MTCL1: variants seen among roughly 807,000 people sequenced by gnomAD.
MTCL1 encodes microtubule crosslinking factor 1, also known as microtubule cross-linking factor 1.
A neutral mutation model predicts 141.4 loss-of-function variants in MTCL1; 79 were observed. The ratio of observed to expected loss-of-function variants is 0.56; its 90% CI spans 0.47 to 0.67. MTCL1 has a LOEUF of 0.67. Among genes scored for constraint, MTCL1 ranks in the 30% least tolerant of loss-of-function variants. MTCL1 has a pLI of 0.00. For synonymous variants in MTCL1, 914 were observed against 875.8 expected (o/e 1.04, Z -0.77); for missense variants, 2,177 against 2,113.9 (o/e 1.03, Z -0.59).
upstream of MTCL1, chr18:8,705,596 G>GCCGCCGCCGCCGCCGCCGCCGCCA: frequency 8.3e-7 from 1 of 1,200,290 alleles, no homozygotes; most frequent in Middle Eastern, 3.3e-4. The surrounding 1 kb of genome is among the most constrained non-coding windows in gnomAD (Gnocchi z 5.2). Context: ...CGCCGCCGCC[G>GCCGCCGCCGCCGCCGCCGCCGCCA]CCGCCGCCGC....
intron 4 of MTCL1, among the ~76,000 whole-genome samples, chr18:8,757,034 C>A (rs2096405489): frequency 6.6e-6 from 1 of 152,140 alleles, no homozygotes; most frequent in Non-Finnish European, 1.5e-5. Flanking sequence ...AAGGTAGGGT[C>A]CCCAAAGACT....
At chr18:8,819,632 C>A (rs558979819) in intron 13 of MTCL1, among the ~76,000 whole-genome samples, 2 of 152,188 alleles carry the variant, frequency 1.3e-5, no homozygotes, top group South Asian at 4.2e-4. Flanking sequence ...AGATGGAGGT[C>A]TCACTCTCTT....
exon 17 of MTCL1, chr18:8,831,873 C>G: frequency 6.6e-7 from 1 of 1,508,554 alleles, no homozygotes; most frequent in African/African-American, 1.4e-5. Context: ...ATGAACAAAA[C>G]TCTGCCCAAC....
chr18:8,798,147 G>A (rs1232344511), exon 10 of MTCL1: 1 of 1,595,098 alleles, frequency 6.3e-7, no homozygotes, highest in Non-Finnish European at 8.5e-7. Flanking sequence ...GAGTCCAGGG[G>A]GGTCACCAGG....
At chr18:8,775,918 C>G (rs7233041) in intron 4 of MTCL1, among the ~76,000 whole-genome samples, 49 of 152,266 alleles carry the variant, frequency 3.2e-4, no homozygotes, top group African/African-American at 1.2e-3. Flanking sequence ...GGCTCAGGGG[C>G]AGCTAGAATT....
rs569893702 is a variant in MTCL1, at chr18:8,706,731, C to G, written c.1053+18C>G. ...ATCTCAAGGTGAGCCGCGCCTCGGC[C>G]GCAGGTGTCCCGGGGCGCCCCCGGA... On this transcript the variant is annotated intron_variant, in intron 1 of 13. Coordinates refer to the MTCL1 transcript ENST00000306329. 2.6e-6 allele frequency: 4 copies of G among 1,543,794 alleles called. No individual in the cohort carries two copies. Among genetic ancestry groups the G allele is most frequent in the East Asian group, 2.5e-5 (1 of 40,784 alleles).
At chr18:8,729,208 C>A (rs2096236832) in intron 4 of MTCL1, among the ~76,000 whole-genome samples, 1 of 133,238 alleles carries the variant, frequency 7.5e-6, no homozygotes, top group African/African-American at 2.7e-5. Context: ...AGGCTAGTGC[C>A]ACATGCCCAG....
chr18:8,744,023 C>G (rs371086218), intron 4 of MTCL1, among the ~76,000 whole-genome samples: 3 of 152,354 alleles, frequency 2.0e-5, no homozygotes, highest in African/African-American at 7.2e-5. Context: ...AAATCTTCAT[C>G]TAATCCTAGG....
At chr18:8,821,409 C>A in intron 13 of MTCL1, 58 bp from the exon 13 acceptor site, 1 of 1,116,704 alleles carries the variant, frequency 9.0e-7, no homozygotes, top group Non-Finnish European at 1.3e-6. Flanking sequence ...TAAGTACATT[C>A]AGGGCTTCTG....
exon 6 of MTCL1, chr18:8,784,523 C>T: frequency 4.4e-6 from 7 of 1,604,188 alleles, no homozygotes; most frequent in Non-Finnish European, 6.0e-6. Flanking sequence ...GGTGGAGCGC[C>T]TCATCACGGA....
Position 8,822,797 on chromosome 18 carries a change from C to T in MTCL1, c.3188+1299C>T, listed in dbSNP as rs571552966. 7.2e-5 allele frequency among the ~76,000 whole-genome samples: 11 copies of T among 152,212 alleles called. No individual in the cohort carries two copies. The highest frequency in any genetic ancestry group is 1.3e-4 in the Non-Finnish European group (9 of 68,010). ...AGTCATTACACCCTCCCACCTTCCCCGTTCACAGCAGCAGCCACATCAGTG... is the reference window on the plus strand; with the variant it reads ...AGTCATTACACCCTCCCACCTTCCCTGTTCACAGCAGCAGCCACATCAGTG... On this transcript the variant is annotated intron_variant, in intron 14 of 16. Transcript: ENST00000359865. This position sits in a 1 kb window ranked among gnomAD's most constrained non-coding sequence, Gnocchi z 4.6.
rs112707386 is a variant in MTCL1 at position 8,811,863 on chromosome 18, T to C, written c.2605-1116T>C. On this transcript the variant is annotated intron_variant, in intron 11 of 16. Coordinates refer to ENST00000359865, the Ensembl canonical transcript of MTCL1. ...TGTGCACTTAATGAAATATAAGAGA[T>C]TGCTTATGAGGATAAAAACGAGACA... Among the ~76,000 whole-genome samples, 105 of 152,302 alleles carry C rather than the reference T, an allele frequency of 6.9e-4. 1 individual carries two copies. The highest frequency in any genetic ancestry group is 3.4e-3 in the Middle Eastern group (1 of 294).
At chr18:8,814,920 G>C (rs927791426) in intron 12 of MTCL1, among the ~76,000 whole-genome samples, 3 of 152,192 alleles carry the variant, frequency 2.0e-5, no homozygotes, top group Admixed American at 6.5e-5. Flanking sequence ...GGAAAAATTA[G>C]ATACATGTGG....
At chr18:8,806,722 A>T (rs1295174594) in intron 10 of MTCL1, among the ~76,000 whole-genome samples, 171 bp from the exon 10 acceptor site, 2 of 151,782 alleles carry the variant, frequency 1.3e-5, no homozygotes, top group African/African-American at 4.8e-5. Context: ...AGCAACAGGG[A>T]CCCTTTCTTT....
rs2077153391 is a variant in MTCL1 at position 8,830,190 on chromosome 18, A to G, written c.*18+1226A>G. 1.0e-6 allele frequency: 1 copy of G among 985,676 alleles called. No individual in the cohort carries two copies. 61.1% of individuals were successfully genotyped at this position (985,676 alleles called of 1,614,324 possible). A position where few individuals can be genotyped will look rare whatever the true frequency, so the allele number is the denominator to read the frequency against. Reference sequence around the variant, plus strand: ...TGAGGACACAGGAGCACCTTGGGTTAGTCTGCATCTTGGTGGCTGGTGGCG... The same window carrying G: ...TGAGGACACAGGAGCACCTTGGGTTGGTCTGCATCTTGGTGGCTGGTGGCG... On this transcript the variant is annotated intron_variant, in intron 16 of 16. Transcript: ENST00000359865. The surrounding 1 kb of genome is among the most constrained non-coding windows in gnomAD (Gnocchi z 6.4).
At chr18:8,799,745 G>A (rs1209305844) in intron 10 of MTCL1, among the ~76,000 whole-genome samples, 1 of 152,244 alleles carries the variant, frequency 6.6e-6, no homozygotes, top group African/African-American at 2.4e-5. Context: ...CATTCACGCA[G>A]ATGCTCTGGA....
chr18:8,775,387 A>G (rs2096502688), intron 4 of MTCL1, among the ~76,000 whole-genome samples: 1 of 148,704 alleles, frequency 6.7e-6, no homozygotes, highest in Admixed American at 6.7e-5. Context: ...CCTGGCCAAC[A>G]TGGTGAAACC....
intron 11 of MTCL1, chr18:8,809,349 A>G (rs2076403052): frequency 2.8e-6 from 4 of 1,417,406 alleles, no homozygotes; most frequent in South Asian, 1.3e-5. Flanking sequence ...GGTTATAAAC[A>G]TAGGCAACAA....
intron 4 of MTCL1, among the ~76,000 whole-genome samples, chr18:8,725,880 C>T (rs1457695182): frequency 1.4e-5 from 2 of 147,708 alleles, no homozygotes; most frequent in Non-Finnish European, 1.5e-5. Flanking sequence ...AGCTCTGCCT[C>T]CCGGGTTCAC....
Sources: allele counts gnomAD v4.1 joint callset (sites outside exome capture counted in the v4.1 genomes callset), GRCh38; gene constraint gnomAD v4.1.1; non-coding constraint Gnocchi (gnomAD v3.1); transcripts MANE v1.5; gene names NCBI Gene and HGNC (gene_info 2026-07-23, HGNC 2026-07-21).